IMMP2L: variants seen among roughly 807,000 people sequenced by gnomAD.
IMMP2L encodes inner mitochondrial membrane peptidase subunit 2, also known as mitochondrial inner membrane protease subunit 2.
Under a neutral mutation model 19.3 loss-of-function variants are expected in IMMP2L, and 18 were observed. That is an observed-to-expected ratio of 0.93 (90% CI 0.64 to 1.38). The LOEUF (loss-of-function observed/expected upper bound fraction) is 1.38, where lower values mean the gene tolerates loss of function less well. Ranked by LOEUF, IMMP2L falls within the 40% of genes most tolerant of loss-of-function variation. The pLI is 0.00. For synonymous variants in IMMP2L, 76 were observed against 73.0 expected, an observed-to-expected ratio of 1.04 and a Z score of -0.21; for missense variants, 233 against 218.2, an observed-to-expected ratio of 1.07 and a Z score of -0.43.
At chr7:110,956,963 T>C (rs1380930704) in intron 4 of IMMP2L, among the ~76,000 whole-genome samples, 1 of 152,006 alleles carries the variant, frequency 6.6e-6, no homozygotes, top group Non-Finnish European at 1.5e-5. Context: ...CATAACAAAT[T>C]AATAAGAAAA....
chr7:111,345,626 T>G (rs774564449), intron 3 of IMMP2L, among the ~76,000 whole-genome samples: 1 of 152,210 alleles, frequency 6.6e-6, no homozygotes, highest in South Asian at 2.1e-4. Flanking sequence ...ATGCAAAAAC[T>G]GAGTTGACTC....
chr7:111,042,717 T>C (rs554711265), intron 3 of IMMP2L, among the ~76,000 whole-genome samples: 1 of 152,296 alleles, frequency 6.6e-6, no homozygotes, highest in Admixed American at 6.5e-5. Context: ...TCTGCCACAA[T>C]AGATGACTAA....
chr7:111,203,050 AT>A (rs770809400), intron 3 of IMMP2L, among the ~76,000 whole-genome samples: 1 of 152,192 alleles, frequency 6.6e-6, no homozygotes, highest in East Asian at 1.9e-4. Context: ...AGAAGTGACT[AT>A]TACAACCTCC....
intron 3 of IMMP2L, among the ~76,000 whole-genome samples, chr7:111,048,568 C>A (rs1205794158): frequency 6.6e-6 from 1 of 152,090 alleles, no homozygotes; most frequent in Admixed American, 6.5e-5. Flanking sequence ...TTGTTAGATG[C>A]TATTTTGGGG....
chr7:111,310,296 G>C (rs1375458378), intron 3 of IMMP2L, among the ~76,000 whole-genome samples: 1 of 149,828 alleles, frequency 6.7e-6, no homozygotes, highest in Non-Finnish European at 1.5e-5. Context: ...TTAATTCTGA[G>C]ACTGGATCCA....
chr7:110,970,891 C>A (rs1820073606), intron 3 of IMMP2L, among the ~76,000 whole-genome samples: 1 of 152,136 alleles, frequency 6.6e-6, no homozygotes, highest in Admixed American at 6.6e-5. Flanking sequence ...TTCAGTTAAG[C>A]TAACCAGCTT....
intron 3 of IMMP2L, among the ~76,000 whole-genome samples, chr7:110,963,828 TTATTA>T (rs1275174900): frequency 3.9e-5 from 6 of 152,056 alleles, no homozygotes; most frequent in Non-Finnish European, 2.9e-5. Context: ...AAACATTTTC[TTATTA>T]AGGAATAAAG....
chr7:110,755,804 T>C (rs571387598), intron 5 of IMMP2L, among the ~76,000 whole-genome samples: 1 of 152,138 alleles, frequency 6.6e-6, no homozygotes, highest in South Asian at 2.1e-4. Flanking sequence ...CATCAGGTGC[T>C]ACAGCCTGGA....
chr7:111,158,938 C>A (rs910172533), intron 3 of IMMP2L, among the ~76,000 whole-genome samples: 2 of 152,080 alleles, frequency 1.3e-5, no homozygotes, highest in African/African-American at 4.8e-5. Flanking sequence ...AATGGAGAGT[C>A]TTCTCTTCTT....
At chr7:110,856,986 C>T (rs1455482627) in intron 5 of IMMP2L, among the ~76,000 whole-genome samples, 1 of 152,070 alleles carries the variant, frequency 6.6e-6, no homozygotes, top group Non-Finnish European at 1.5e-5. Flanking sequence ...TATTAAATAG[C>T]ACCATGTAAC....
At chr7:110,719,259 G>T (rs1795424947) in intron 5 of IMMP2L, among the ~76,000 whole-genome samples, 1 of 152,182 alleles carries the variant, frequency 6.6e-6, no homozygotes, top group Admixed American at 6.5e-5. Flanking sequence ...TGCACCATCT[G>T]ACATAGGCCT....
At chr7:110,706,793 G>A (rs911704000) in intron 5 of IMMP2L, among the ~76,000 whole-genome samples, 1 of 151,918 alleles carries the variant, frequency 6.6e-6, no homozygotes, top group African/African-American at 2.4e-5. Context: ...TATTCTGTAG[G>A]TTGCCTGCTT....
At chr7:110,664,230 G>A (rs142456784) in intron 5 of IMMP2L, among the ~76,000 whole-genome samples, 26 of 152,162 alleles carry the variant, frequency 1.7e-4, no homozygotes, top group African/African-American at 5.8e-4. Context: ...AAATCACAGA[G>A]TCCTAAAAAA....
intron 5 of IMMP2L, among the ~76,000 whole-genome samples, chr7:110,864,286 T>C (rs544879957): frequency 4.6e-5 from 7 of 152,056 alleles, no homozygotes; most frequent in Non-Finnish European, 8.8e-5. Context: ...GATTATTTTT[T>C]AAAACAACAG....
At chr7:111,316,845 C>CTTTTTTTTTTTTTTTTTTTTTTTTTT (rs869155077) in intron 3 of IMMP2L, among the ~76,000 whole-genome samples, 1 of 75,894 alleles carries the variant, frequency 1.3e-5, no homozygotes, top group Non-Finnish European at 2.4e-5. Context: ...TTTTTTTTTT[C>CTTTTTTTTTTTTTTTTTTTTTTTTTT]TTTTTTTTTT....
intron 3 of IMMP2L, among the ~76,000 whole-genome samples, chr7:111,117,196 C>A (rs1799983878): frequency 6.6e-6 from 1 of 152,000 alleles, no homozygotes; most frequent in South Asian, 2.1e-4. Context: ...TTAAAAAACA[C>A]AAAGGTTAAA....
intron 5 of IMMP2L, among the ~76,000 whole-genome samples, chr7:110,714,419 G>A (rs1212820616): frequency 1.3e-5 from 2 of 152,028 alleles, no homozygotes; most frequent in Non-Finnish European, 2.9e-5. Flanking sequence ...TTTTTCATTG[G>A]GTCTTTACCA....
chr7:111,484,843 G>A (rs1382285214), intron 3 of IMMP2L, among the ~76,000 whole-genome samples: 1 of 152,154 alleles, frequency 6.6e-6, no homozygotes, highest in Non-Finnish European at 1.5e-5. Flanking sequence ...CTGGAGTGCA[G>A]TGGCACAATC....
intron 3 of IMMP2L, among the ~76,000 whole-genome samples, chr7:111,238,243 G>C (rs1304881814): frequency 6.6e-6 from 1 of 151,986 alleles, no homozygotes; most frequent in East Asian, 1.9e-4. Context: ...TGGAAGTCTG[G>C]AAATAGATGA....
Sources: allele counts gnomAD v4.1 joint callset (sites outside exome capture counted in the v4.1 genomes callset), GRCh38; gene constraint gnomAD v4.1.1; transcripts MANE v1.5; gene names NCBI Gene and HGNC (gene_info 2026-07-23, HGNC 2026-07-21).